PLAC8: variants seen among roughly 807,000 people sequenced by gnomAD.
The protein encoded by PLAC8 is placenta-specific gene 8 protein.
A neutral mutation model predicts 12.6 loss-of-function variants in PLAC8; 6 were observed. The ratio of observed to expected loss-of-function variants is 0.48; its 90% CI spans 0.26 to 0.94. PLAC8 has a LOEUF of 0.94. PLAC8 is among the 40% of genes least tolerant of loss of function. The pLI is 0.14. For synonymous variants in PLAC8, 54 were observed against 52.6 expected, an observed-to-expected ratio of 1.03 and a Z score of -0.11; for missense variants, 122 against 152.7, an observed-to-expected ratio of 0.80 and a Z score of 1.06.
At chr4:83,102,795 G>A (rs1175975527) in intron 3 of PLAC8, among the ~76,000 whole-genome samples, 2 of 152,178 alleles carry the variant, frequency 1.3e-5, no homozygotes, top group African/African-American at 4.8e-5. Context: ...AGCAAAGAAA[G>A]CTGTTTCTTG....
rs142729946 is a variant in PLAC8 at position 83,096,628 on chromosome 4, A to G, written c.244-1837T>C. Among the ~76,000 whole-genome samples the G allele has an allele frequency of 4.7e-3, 723 of 152,326 alleles. 3 individuals are homozygous for G. Among genetic ancestry groups the G allele is most frequent in the African/African-American group, 0.016 (660 of 41,572 alleles). ...TTTCCTTAGATTTTGTTCTATGCCT[A>G]TGACTCATATAAATATAGATTAGAC... On this transcript the variant is annotated intron_variant, in intron 3 of 4. Coordinates refer to ENST00000311507, the MANE Select transcript of PLAC8 (RefSeq NM_016619.3).
Position 83,107,799 on chromosome 4 carries a change from C to G in PLAC8, c.118+5G>C. On this transcript the variant is annotated splice_donor_5th_base_variant and intron_variant, in intron 2 of 4. Coordinates refer to ENST00000311507, the MANE Select transcript of PLAC8 (RefSeq NM_016619.3). ...AATAAGGGGGTTCTTTCCCCACACA[C>G]TTACAGACTCCGCAGTCGCTGAAAC... The G allele has an allele frequency of 6.3e-7, 1 of 1,587,886 alleles. No homozygotes were observed. The highest frequency in any genetic ancestry group is 8.6e-7 in the Non-Finnish European group (1 of 1,159,044).
intron 1 of PLAC8, among the ~76,000 whole-genome samples, chr4:83,111,254 C>G (rs1732417126): frequency 6.6e-6 from 1 of 152,286 alleles, no homozygotes; most frequent in African/African-American, 2.4e-5. Flanking sequence ...CAGGTGTAAG[C>G]CACCACCCAT....
At chr4:83,103,244 A>G (rs563834358) in intron 3 of PLAC8, among the ~76,000 whole-genome samples, 1 of 150,982 alleles carries the variant, frequency 6.6e-6, no homozygotes, top group Admixed American at 6.6e-5. Context: ...AAAATACAAA[A>G]ATTAGCTGGG....
At position 83,106,133 on chromosome 4, in the gene PLAC8, G is replaced by A. The variant is rs563404335; in HGVS notation, c.119-1113C>T. On this transcript the variant is annotated intron_variant, in intron 2 of 4. Transcript: ENST00000311507. ...TTCTGCCTCAGCCTCCCAAGTAGCT[G>A]GGACTACAGGCACCCACCACCATGC... Among the ~76,000 whole-genome samples the A allele has an allele frequency of 3.1e-3, 478 of 151,968 alleles. 4 individuals are homozygous for A. The highest frequency in any genetic ancestry group is 0.011 in the African/African-American group (466 of 41,462).
At chr4:83,107,620 C>CTTTTTTT (rs70946974) in intron 2 of PLAC8, among the ~76,000 whole-genome samples, 184 bp downstream of exon 2, 158 of 13,856 alleles carry the variant, frequency 0.011, 74 homozygotes, top group Non-Finnish European at 0.023. Context: ...CATACGGAGG[C>CTTTTTTT]TTTTTTTTTT....
chr4:83,093,808 G>C (rs796791593), intron 4 of PLAC8: 5 of 152,038 alleles, frequency 3.3e-5, no homozygotes, highest in African/African-American at 1.2e-4. Context: ...ATACCTAACA[G>C]TATCTTACCT....
At chr4:83,106,145 A>G (rs9684673) in intron 2 of PLAC8, among the ~76,000 whole-genome samples, 134,529 of 151,838 alleles carry the variant, frequency 0.89, 59,751 homozygotes, top group East Asian at 1. Context: ...GACTACAGGC[A>G]CCCACCACCA....
intron 2 of PLAC8, among the ~76,000 whole-genome samples, chr4:83,105,802 G>C (rs1296748710): frequency 6.6e-6 from 1 of 152,026 alleles, no homozygotes; most frequent in African/African-American, 2.4e-5. Flanking sequence ...GGGGTGAGAG[G>C]GTTAAAATGT....
At chr4:83,098,351 C>T (rs1407818855) in intron 3 of PLAC8, among the ~76,000 whole-genome samples, 1 of 152,136 alleles carries the variant, frequency 6.6e-6, no homozygotes, top group Non-Finnish European at 1.5e-5. Flanking sequence ...GCTGTGGGGC[C>T]AGAATCTGGG....
chr4:83,107,073 G>A (rs1732259346), intron 2 of PLAC8, among the ~76,000 whole-genome samples: 1 of 152,078 alleles, frequency 6.6e-6, no homozygotes, highest in African/African-American at 2.4e-5. Flanking sequence ...GGTGACGGGT[G>A]CCTGTAATCC....
intron 3 of PLAC8, among the ~76,000 whole-genome samples, chr4:83,098,485 G>C (rs995404256): frequency 3.9e-5 from 6 of 152,148 alleles, no homozygotes; most frequent in Non-Finnish European, 5.9e-5. Context: ...AAACTGGATA[G>C]ATATATACAA....
At chr4:83,094,517 TAAG>T (rs1731879694) in intron 4 of PLAC8, 158 bp downstream of exon 4, 2 of 553,120 alleles carry the variant, frequency 3.6e-6, no homozygotes, top group Non-Finnish European at 6.4e-6. Flanking sequence ...ATCTTCTTCA[TAAG>T]AAGAAAATTA....
At chr4:83,100,354 C>T (rs917077594) in intron 3 of PLAC8, among the ~76,000 whole-genome samples, 3 of 152,204 alleles carry the variant, frequency 2.0e-5, no homozygotes, top group South Asian at 2.1e-4. Flanking sequence ...TGCTGGCTCC[C>T]CCTTTGCTTT....
chr4:83,099,744 T>C (rs1314219887), intron 3 of PLAC8, among the ~76,000 whole-genome samples: 1 of 151,002 alleles, frequency 6.6e-6, no homozygotes, highest in Non-Finnish European at 1.5e-5. Flanking sequence ...ACACCTGTAA[T>C]CCCAGCACTT....
chr4:83,104,856 G>C (rs745844048), intron 3 of PLAC8, 40 bp downstream of exon 3: 1 of 1,599,468 alleles, frequency 6.3e-7, no homozygotes, highest in Admixed American at 1.7e-5. Context: ...ATTTTGAATG[G>C]GGTGCATATT....
chr4:83,100,280 CAAA>C (rs35928607), intron 3 of PLAC8, among the ~76,000 whole-genome samples: 1 of 121,378 alleles, frequency 8.2e-6, no homozygotes, highest in Non-Finnish European at 1.8e-5. Flanking sequence ...GACTCCATCT[CAAA>C]AAAAAAAAAA....
chr4:83,107,223 C>CA lies in PLAC8; in HGVS notation c.118+580dup, dbSNP rs70946973. On this transcript the variant is annotated intron_variant, in intron 2 of 4. Coordinates refer to ENST00000311507, the MANE Select transcript of PLAC8 (RefSeq NM_016619.3). ...CTCAAAAACAAACAAAAAAAAAAAA[C>CA]AAAAAAAAAAACAAAGCAGTCAGAG... Among the ~76,000 whole-genome samples, 670 of 139,812 alleles carry CA rather than the reference C, an allele frequency of 4.8e-3. 10 individuals carry two copies. Among genetic ancestry groups the CA allele is most frequent in the African/African-American group, 0.017 (618 of 35,632 alleles). The allele number at this position is 139,812 out of a possible 152,430, so 91.7% of individuals were successfully genotyped here.
Position 83,090,542 on chromosome 4 carries a change from A to AG in PLAC8, c.*438_*439insC, listed in dbSNP as rs1328095951. On this transcript the variant is annotated 3_prime_UTR_variant, in exon 5 of 5. Transcript: ENST00000311507. The stretch of plus-strand genomic sequence containing the variant: ...GACTCTATCTCAAAAAAAAAAAAAA[A>AG]AAAAGAAAGAAAGATCCCCCAACTC... The AG allele has an allele frequency of 3.4e-5, 5 of 148,450 alleles. No homozygotes were observed. The highest frequency in any genetic ancestry group is 7.4e-5 in the Non-Finnish European group (5 of 67,316). The allele number at this position is 148,450 out of a possible 1,614,324, so 9.2% of individuals were successfully genotyped here.
Sources: gnomAD v4.1 joint callset for allele counts (sites outside exome capture counted in the v4.1 genomes callset) on GRCh38, gnomAD v4.1.1 for gene constraint, MANE v1.5 for transcripts, NCBI Gene and HGNC (gene_info 2026-07-23, HGNC 2026-07-21) for gene names.